Variants in RARB observed in about 807,000 individuals in gnomAD.
The protein encoded by RARB is retinoic acid receptor beta, also known as HBV-activated protein.
Under a neutral mutation model 51.9 loss-of-function variants are expected in RARB, and 17 were observed. The observed-to-expected ratio is 0.33, with a 90% CI of 0.22 to 0.49. The LOEUF (loss-of-function observed/expected upper bound fraction) is 0.49, where lower values mean the gene tolerates loss of function less well. RARB is among the 20% of genes least tolerant of loss of function. The pLI is 0.99. For synonymous variants in RARB, 215 were observed against 195.4 expected (o/e 1.10, Z -0.84); for missense variants, 369 against 550.8 (o/e 0.67, Z 3.30).
chr3:25,317,138 A>G (rs1255845624), intron 5 of RARB, among the ~76,000 whole-genome samples: 2 of 101,370 alleles, frequency 2.0e-5, no homozygotes, highest in Non-Finnish European at 4.4e-5. Flanking sequence ...AATCATAGAA[A>G]GTATCTTATT....
chr3:25,537,562 G>T (rs1353370078), intron 3 of RARB, among the ~76,000 whole-genome samples: 1 of 152,156 alleles, frequency 6.6e-6, no homozygotes, highest in East Asian at 1.9e-4. Context: ...TGGTGCCCTT[G>T]ATTCCTAACC....
intron 2 of RARB, among the ~76,000 whole-genome samples, chr3:24,994,280 A>G (rs1696975451): frequency 6.7e-6 from 1 of 148,286 alleles, no homozygotes; most frequent in South Asian, 2.2e-4. Flanking sequence ...TTTTCTATAT[A>G]TTTGTTGATC....
Position 25,146,816 on chromosome 3 carries a change from G to A in RARB, c.-280+14608G>A, listed in dbSNP as rs1466419183. On this transcript the variant is annotated intron_variant, in intron 4 of 11. Transcript: ENST00000383772. ...TTACAGGCATGAGCCACGGCGCCCGGCATTTGCTAAGTTCTGAATTCATTC... is the reference window on the plus strand; with the variant it reads ...TTACAGGCATGAGCCACGGCGCCCGACATTTGCTAAGTTCTGAATTCATTC... Among the ~76,000 whole-genome samples, 5 of 152,102 alleles carry A rather than the reference G, an allele frequency of 3.3e-5. No homozygotes were observed. The East Asian group carries it at 9.6e-4, about 29-fold the overall frequency.
At chr3:24,900,490 G>A (rs371445309) in intron 2 of RARB, among the ~76,000 whole-genome samples, 2 of 152,172 alleles carry the variant, frequency 1.3e-5, no homozygotes, top group African/African-American at 4.8e-5. Flanking sequence ...TATTGCTGGA[G>A]CAAAGAATAA....
At chr3:25,133,610 T>A (rs1028072566) in intron 4 of RARB, among the ~76,000 whole-genome samples, 1 of 152,000 alleles carries the variant, frequency 6.6e-6, no homozygotes, top group Non-Finnish European at 1.5e-5. Context: ...TAAGTCAGCC[T>A]TTTTTTCTTA....
chr3:25,343,277 G>T (rs1484596820), intron 5 of RARB, among the ~76,000 whole-genome samples: 1 of 151,958 alleles, frequency 6.6e-6, no homozygotes, highest in Non-Finnish European at 1.5e-5. Context: ...ATGTCTTGTT[G>T]CTCTCAGTTT....
intron 1 of RARB, among the ~76,000 whole-genome samples, chr3:25,443,679 C>G (rs1708805260): frequency 6.6e-6 from 1 of 151,812 alleles, no homozygotes. Context: ...TGCCTGTAAT[C>G]CCAGCACTTT....
intron 4 of RARB, among the ~76,000 whole-genome samples, chr3:25,171,485 TAAAAAAAA>T (rs10559921): frequency 0.1 from 1,031 of 9,984 alleles, 6 homozygotes; most frequent in Middle Eastern, 0.14. Context: ...ATAAGCAGTT[TAAAAAAAA>T]AAAAAAAAAA....
chr3:25,238,198 C>T (rs1287184444), intron 5 of RARB, among the ~76,000 whole-genome samples: 2 of 151,998 alleles, frequency 1.3e-5, no homozygotes, highest in Non-Finnish European at 2.9e-5. Flanking sequence ...ATTCTACTCT[C>T]TACCTTTATG....
At chr3:25,061,125 T>C (rs1302396068) in intron 3 of RARB, among the ~76,000 whole-genome samples, 1 of 151,890 alleles carries the variant, frequency 6.6e-6, no homozygotes, top group South Asian at 2.1e-4. Context: ...CCTGGAACTT[T>C]TGCAATGAAG....
intron 3 of RARB, among the ~76,000 whole-genome samples, chr3:25,533,645 A>C (rs1212941149): frequency 6.6e-6 from 1 of 152,204 alleles, no homozygotes; most frequent in African/African-American, 2.4e-5. Context: ...TGTTGCTTTC[A>C]TTCTGCCCAG....
chr3:25,070,944 A>C (rs898457524), intron 3 of RARB, among the ~76,000 whole-genome samples: 37 of 152,202 alleles, frequency 2.4e-4, no homozygotes, highest in Admixed American at 1.3e-4. Context: ...GCGTAGCCAG[A>C]GTGAATTCTT....
intron 4 of RARB, among the ~76,000 whole-genome samples, chr3:25,141,089 A>T (rs1021051256): frequency 6.6e-6 from 1 of 152,140 alleles, no homozygotes; most frequent in African/African-American, 2.4e-5. Context: ...GGAACTAAAC[A>T]TGTAATATCT....
At chr3:25,271,924 T>G (rs545723855) in intron 5 of RARB, among the ~76,000 whole-genome samples, 57 of 152,210 alleles carry the variant, frequency 3.7e-4, no homozygotes, top group Non-Finnish European at 6.9e-4. Flanking sequence ...TACAAATTCT[T>G]TGTCTCCTGC....
intron 3 of RARB, among the ~76,000 whole-genome samples, chr3:25,502,208 C>T (rs142930586): frequency 6.6e-6 from 1 of 152,248 alleles, no homozygotes; most frequent in African/African-American, 2.4e-5. Context: ...CCTAGAGATA[C>T]CTGAGACATG....
chr3:25,060,673 G>C (rs1206075051), intron 3 of RARB, among the ~76,000 whole-genome samples: 2 of 151,850 alleles, frequency 1.3e-5, no homozygotes, highest in Non-Finnish European at 2.9e-5. Context: ...AGTTGATTTA[G>C]AAAACAATGA....
chr3:25,415,934 A>C (rs1450392234), intron 5 of RARB, among the ~76,000 whole-genome samples: 4 of 152,240 alleles, frequency 2.6e-5, no homozygotes, highest in Non-Finnish European at 5.9e-5. Context: ...TACAGTAAAA[A>C]GTAGATACAT....
intron 5 of RARB, among the ~76,000 whole-genome samples, chr3:25,396,963 G>A (rs1031444592): frequency 6.6e-6 from 1 of 152,146 alleles, no homozygotes; most frequent in African/African-American, 2.4e-5. Context: ...AAGCCTCCCT[G>A]CTAAGAAAGA....
At chr3:25,543,836 C>G (rs1699494806) in intron 3 of RARB, among the ~76,000 whole-genome samples, 1 of 152,192 alleles carries the variant, frequency 6.6e-6, no homozygotes. Flanking sequence ...CAATGAAGAG[C>G]AAGAACCAAG....
Sources: allele counts gnomAD v4.1 joint callset (sites outside exome capture counted in the v4.1 genomes callset), GRCh38; gene constraint gnomAD v4.1.1; transcripts MANE v1.5; gene names NCBI Gene and HGNC (gene_info 2026-07-23, HGNC 2026-07-21).